EPHA3: variants seen among roughly 807,000 people sequenced by gnomAD.
EPHA3 encodes ephrin type-A receptor 3.
Under a neutral mutation model 107.1 loss-of-function variants are expected in EPHA3, and 42 were observed. That is an observed-to-expected ratio of 0.39 (90% CI 0.31 to 0.51). EPHA3 has a LOEUF of 0.51. Ranked by LOEUF, EPHA3 falls within the 20% of genes least tolerant of loss-of-function variation. The probability of loss-of-function intolerance (pLI) is 0.78; values close to 1 mark genes in which losing one functional copy is unlikely to be tolerated. For missense variants in EPHA3, 1,183 were observed against 1,211.2 expected (o/e 0.98, Z 0.35); for synonymous variants, 461 against 424.8 (o/e 1.09, Z -1.05).
At chr3:89,371,890 AAG>A (rs1708312749) in intron 5 of EPHA3, among the ~76,000 whole-genome samples, 1 of 151,606 alleles carries the variant, frequency 6.6e-6, no homozygotes, top group African/African-American at 2.4e-5. Context: ...TCAACATTTG[AAG>A]AGTTACTAGA....
intron 16 of EPHA3, 71 bp downstream of exon 16, chr3:89,472,690 T>A (rs1368927332): frequency 9.2e-6 from 8 of 871,398 alleles, no homozygotes; most frequent in Admixed American, 3.2e-5. Context: ...ATGAAAGATT[T>A]GTAACATCTT....
At chr3:89,149,859 TATTA>T (rs1704651767) in intron 2 of EPHA3, among the ~76,000 whole-genome samples, 1 of 152,006 alleles carries the variant, frequency 6.6e-6, no homozygotes, top group Non-Finnish European at 1.5e-5. Flanking sequence ...GGGTGATTGA[TATTA>T]ATTAATAAGA....
intron 3 of EPHA3, among the ~76,000 whole-genome samples, chr3:89,280,493 G>T (rs962574059): frequency 6.6e-6 from 1 of 152,106 alleles, no homozygotes; most frequent in African/African-American, 2.4e-5. Flanking sequence ...TTGTGACAAG[G>T]GATGTTTCTA....
chr3:89,128,897 G>A (rs1704145092), intron 2 of EPHA3, among the ~76,000 whole-genome samples: 1 of 152,012 alleles, frequency 6.6e-6, no homozygotes. Context: ...TATTCTCATA[G>A]ATAATGTGAT....
rs567375690 is a variant in EPHA3, at chr3:89,291,765, C to A, written c.815-49151C>A. 2.6e-5 allele frequency among the ~76,000 whole-genome samples: 4 copies of A among 152,274 alleles called. No homozygotes were observed. In the East Asian group the frequency reaches 7.7e-4, roughly 29 times the overall value. ...GAGTCTGTCACTTTAAAGATCAGAA[C>A]TGTTACCCTGTGATGCTCACATTTG... On this transcript the variant is annotated intron_variant, in intron 3 of 16. Coordinates refer to ENST00000336596, the MANE Select transcript of EPHA3 (RefSeq NM_005233.6).
chr3:89,121,607 A>T (rs1348531754), intron 1 of EPHA3, among the ~76,000 whole-genome samples: 1 of 152,116 alleles, frequency 6.6e-6, no homozygotes, highest in Admixed American at 6.5e-5. Flanking sequence ...AAGTACAAAA[A>T]TTAGCTGGGT....
At chr3:89,115,284 T>C (rs556493583) in intron 1 of EPHA3, among the ~76,000 whole-genome samples, 118 of 152,130 alleles carry the variant, frequency 7.8e-4, no homozygotes, top group African/African-American at 2.6e-3. Flanking sequence ...TAAAACTACC[T>C]GCTAGTGCCA....
At chr3:89,390,600 C>CAAAA (rs34753229) in intron 5 of EPHA3, among the ~76,000 whole-genome samples, 1 of 114,176 alleles carries the variant, frequency 8.8e-6, no homozygotes. Flanking sequence ...ACTCCGTTTC[C>CAAAA]AAAAAAAAAA....
intron 3 of EPHA3, among the ~76,000 whole-genome samples, chr3:89,272,962 T>C (rs570113880): frequency 6.6e-6 from 1 of 152,036 alleles, no homozygotes; most frequent in South Asian, 2.1e-4. Context: ...ACTACATTAT[T>C]TATTACAAAA....
chr3:89,353,256 A>G (rs1036290793), intron 5 of EPHA3, among the ~76,000 whole-genome samples: 1 of 151,422 alleles, frequency 6.6e-6, no homozygotes, highest in Admixed American at 6.6e-5. Context: ...ATTAAACACC[A>G]AAAGGATCTA....
At chr3:89,178,620 G>A (rs1425172726) in intron 2 of EPHA3, among the ~76,000 whole-genome samples, 1 of 151,726 alleles carries the variant, frequency 6.6e-6, no homozygotes, top group Non-Finnish European at 1.5e-5. Context: ...TGTTTTAGAT[G>A]CACTGAAAAT....
At chr3:89,162,126 T>A (rs1463805729) in intron 2 of EPHA3, among the ~76,000 whole-genome samples, 1 of 151,972 alleles carries the variant, frequency 6.6e-6, no homozygotes. Flanking sequence ...GATGAACACA[T>A]AATTATCCTC....
At chr3:89,415,229 A>G (rs116532816) in intron 10 of EPHA3, among the ~76,000 whole-genome samples, 1,543 of 151,460 alleles carry the variant, frequency 0.01, 18 homozygotes, top group African/African-American at 0.034. Context: ...ATAGTGTAAT[A>G]ATAAATAAAC....
chr3:89,110,665 T>C (rs1707081670), intron 1 of EPHA3, among the ~76,000 whole-genome samples: 1 of 152,096 alleles, frequency 6.6e-6, no homozygotes, highest in African/African-American at 2.4e-5. Context: ...AAAAGACTTT[T>C]AATGGGAGAT....
intron 10 of EPHA3, among the ~76,000 whole-genome samples, chr3:89,418,709 C>G (rs535336733): frequency 6.6e-6 from 1 of 151,436 alleles, no homozygotes; most frequent in South Asian, 2.1e-4. Context: ...ACCAATACTC[C>G]AATAAAATAA....
intron 2 of EPHA3, among the ~76,000 whole-genome samples, chr3:89,205,739 T>C (rs1315460898): frequency 1.3e-5 from 2 of 152,142 alleles, no homozygotes; most frequent in African/African-American, 4.8e-5. Context: ...CTTGAAAGCA[T>C]TAAGAAAATG....
chr3:89,439,906 C>T (rs985965534), intron 13 of EPHA3, among the ~76,000 whole-genome samples: 3 of 152,024 alleles, frequency 2.0e-5, no homozygotes, highest in African/African-American at 7.2e-5. Flanking sequence ...TTTTTTATTT[C>T]CTGGTTAGCC....
At chr3:89,340,436 G>A (rs1380142492) in intron 3 of EPHA3, among the ~76,000 whole-genome samples, 2 of 152,166 alleles carry the variant, frequency 1.3e-5, no homozygotes, top group South Asian at 2.1e-4. Context: ...AAAAATATAC[G>A]TGAAGCCATG....
chr3:89,284,289 A>G (rs1706025415), intron 3 of EPHA3, among the ~76,000 whole-genome samples: 1 of 152,162 alleles, frequency 6.6e-6, no homozygotes, highest in Admixed American at 6.6e-5. Context: ...ACTCAGGTAG[A>G]GTGACTGGAG....
Sources: gnomAD v4.1 joint callset for allele counts (sites outside exome capture counted in the v4.1 genomes callset) on GRCh38, gnomAD v4.1.1 for gene constraint, MANE v1.5 for transcripts, NCBI Gene and HGNC (gene_info 2026-07-23, HGNC 2026-07-21) for gene names.